The following FGGY variants were observed in gnomAD, a reference collection of about 807,000 sequenced individuals.
FGGY encodes FGGY carbohydrate kinase domain containing, also known as FGGY carbohydrate kinase domain-containing protein.
FGGY carries 72 observed loss-of-function variants against 71.3 expected under a neutral mutation model. The ratio of observed to expected loss-of-function variants is 1.01; its 90% confidence interval spans 0.84 to 1.23. The LOEUF (loss-of-function observed/expected upper bound fraction) is 1.23, where lower values mean the gene tolerates loss of function less well. FGGY is among the 50% of genes most tolerant of loss of function. The pLI, the probability that FGGY is intolerant of heterozygous loss-of-function variation, is 0.00. For synonymous variants in FGGY, 251 were observed against 250.3 expected (o/e 1.00, Z -0.02); for missense variants, 668 against 682.3 (o/e 0.98, Z 0.23).
intron 7 of FGGY, among the ~76,000 whole-genome samples, chr1:59,549,090 G>C (rs2095569056): frequency 6.6e-6 from 1 of 152,154 alleles, no homozygotes; most frequent in African/African-American, 2.4e-5. Flanking sequence ...ATGTAGTCTG[G>C]TGTTAAGTCT....
chr1:59,524,099 T>A (rs1003858937), intron 7 of FGGY, among the ~76,000 whole-genome samples: 5 of 152,234 alleles, frequency 3.3e-5, no homozygotes, highest in African/African-American at 1.2e-4. Context: ...AAATGCTTGC[T>A]CCTACTCCCT....
At position 59,756,747 on chromosome 1, in the gene FGGY, A is replaced by G. The variant is rs34861883; in HGVS notation, c.1513-1184A>G. On this transcript the variant is annotated intron_variant, in intron 14 of 15. Transcript: ENST00000303721. ...AGTGGAGAAGGCAGACAACGAACAC[A>G]TAAACCAGTAAATATACAAAGTGGC... Among the ~76,000 whole-genome samples the G allele has an allele frequency of 5.6e-3, 859 of 152,336 alleles. 3 individuals are homozygous for G. Among genetic ancestry groups the G allele is most frequent in the Non-Finnish European group, 9.6e-3 (652 of 68,032 alleles).
intron 5 of FGGY, among the ~76,000 whole-genome samples, chr1:59,432,907 TTAC>T (rs1194432482): frequency 6.6e-6 from 1 of 152,226 alleles, no homozygotes; most frequent in East Asian, 1.9e-4. Context: ...GGGAGCTCTC[TTAC>T]TTCAGAGCTC....
intron 13 of FGGY, among the ~76,000 whole-genome samples, chr1:59,668,537 C>T (rs2097345924): frequency 6.6e-6 from 1 of 152,218 alleles, no homozygotes; most frequent in African/African-American, 2.4e-5. Context: ...CCTCCATCCC[C>T]CTCTAAGCCA....
At chr1:59,575,469 G>GT (rs1370841027) in intron 8 of FGGY, among the ~76,000 whole-genome samples, 1 of 152,056 alleles carries the variant, frequency 6.6e-6, no homozygotes, top group Non-Finnish European at 1.5e-5. Flanking sequence ...ATAGTATTTT[G>GT]TTTTGAATCT....
At position 59,438,285 on chromosome 1, in the gene FGGY, C is replaced by T. The variant is rs181906385; in HGVS notation, c.555-18676C>T. Among the ~76,000 whole-genome samples the T allele has an allele frequency of 4.5e-4, 69 of 152,280 alleles. No homozygotes were observed. In the South Asian group the frequency reaches 8.3e-3, roughly 18 times the overall value. On this transcript the variant is annotated intron_variant, in intron 5 of 15. Transcript: ENST00000303721. ...CCTGTTTGCAAAGCCTTTGCCCTTT[C>T]CATTAGACTACATAGCATCTTAAAA...
intron 11 of FGGY, among the ~76,000 whole-genome samples, chr1:59,640,970 G>A (rs1213204995): frequency 6.6e-6 from 1 of 150,800 alleles, no homozygotes. Flanking sequence ...AACAGGGAAT[G>A]GAAAGATAGT....
intron 14 of FGGY, among the ~76,000 whole-genome samples, chr1:59,699,631 A>C (rs2097693597): frequency 6.6e-6 from 1 of 152,224 alleles, no homozygotes; most frequent in African/African-American, 2.4e-5. Context: ...GGTAAATAAA[A>C]AGAGGTTTTT....
intron 8 of FGGY, among the ~76,000 whole-genome samples, chr1:59,570,434 C>T (rs371617462): frequency 2.0e-5 from 3 of 152,164 alleles, no homozygotes; most frequent in East Asian, 3.9e-4. Context: ...ATTTGGAGCA[C>T]ACTGAGGAAT....
At chr1:59,650,151 C>G (rs2097142576) in intron 11 of FGGY, among the ~76,000 whole-genome samples, 1 of 147,838 alleles carries the variant, frequency 6.8e-6, no homozygotes, top group South Asian at 2.1e-4. Context: ...ATTTGGTTTG[C>G]CAGTATTGTA....
intron 8 of FGGY, among the ~76,000 whole-genome samples, chr1:59,600,039 A>G (rs949089119): frequency 6.6e-6 from 1 of 152,242 alleles, no homozygotes; most frequent in Non-Finnish European, 1.5e-5. Flanking sequence ...TGGTGGAGGT[A>G]TGAAAGATTC....
At chr1:59,564,415 A>G (rs770517948) in intron 8 of FGGY, among the ~76,000 whole-genome samples, 3 of 152,236 alleles carry the variant, frequency 2.0e-5, no homozygotes, top group Non-Finnish European at 4.4e-5. Context: ...GGTGATGTCT[A>G]TAACAGCACT....
chr1:59,546,950 C>CTTTTTT (rs761977942), intron 7 of FGGY, among the ~76,000 whole-genome samples: 3 of 115,208 alleles, frequency 2.6e-5, no homozygotes, highest in African/African-American at 6.8e-5. Context: ...ACCTTTTTGA[C>CTTTTTT]TTTTTTTTTT....
chr1:59,627,633 T>C (rs988705622), intron 10 of FGGY, among the ~76,000 whole-genome samples: 1 of 151,908 alleles, frequency 6.6e-6, no homozygotes, highest in Admixed American at 6.6e-5. Context: ...GCAATGTGTG[T>C]ACCTAGCTCA....
chr1:59,321,070 C>T (rs1299947371), intron 1 of FGGY, among the ~76,000 whole-genome samples: 2 of 152,238 alleles, frequency 1.3e-5, no homozygotes, highest in Non-Finnish European at 2.9e-5. Flanking sequence ...AAGCACTTTT[C>T]ACAGTGCTTG....
chr1:59,439,779 C>T (rs1217392155), intron 5 of FGGY, among the ~76,000 whole-genome samples: 1 of 152,066 alleles, frequency 6.6e-6, no homozygotes, highest in East Asian at 1.9e-4. Context: ...TTTTCCTTTC[C>T]ATCTGACATT....
At chr1:59,545,267 G>A (rs1401892549) in intron 7 of FGGY, among the ~76,000 whole-genome samples, 1 of 152,210 alleles carries the variant, frequency 6.6e-6, no homozygotes, top group Non-Finnish European at 1.5e-5. Context: ...TTTTCAGGAA[G>A]CATTTGTGTG....
rs564325813 is a variant in FGGY at position 59,368,354 on chromosome 1, C to G, written c.466-10395C>G. Among the ~76,000 whole-genome samples the G allele has an allele frequency of 7.2e-5, 11 of 152,264 alleles. No individual in the cohort carries two copies. The South Asian group carries it at 2.3e-3, about 32-fold the overall frequency. On this transcript the variant is annotated intron_variant, in intron 4 of 15. Transcript: ENST00000303721. ...TCCATTATGACATTTCCAAAAGGCC[C>G]AAAATCACACCTCTGATTGGACTGG...
chr1:59,649,180 G>C (rs1227733143), intron 11 of FGGY, among the ~76,000 whole-genome samples: 1 of 149,656 alleles, frequency 6.7e-6, no homozygotes. Context: ...AAGTCAGGTA[G>C]TGTGATGCCT....
Sources: gnomAD v4.1 joint callset for allele counts (sites outside exome capture counted in the v4.1 genomes callset) on GRCh38, gnomAD v4.1.1 for gene constraint, MANE v1.5 for transcripts, NCBI Gene and HGNC (gene_info 2026-07-23, HGNC 2026-07-21) for gene names.